Variants in KCNIP3 observed in about 807,000 individuals in gnomAD.
KCNIP3 encodes calsenilin.
Under a neutral mutation model 35.0 loss-of-function variants are expected in KCNIP3, and 28 were observed. The observed-to-expected ratio is 0.80, with a 90% confidence interval of 0.59 to 1.10. The LOEUF is 1.10. KCNIP3 is among the 50% of genes least tolerant of loss of function. The pLI, the probability that KCNIP3 is intolerant of heterozygous loss-of-function variation, is 0.00. For missense variants in KCNIP3, 295 were observed against 338.4 expected (o/e 0.87, Z 1.01); for synonymous variants, 134 against 133.8 (o/e 1.00, Z -0.01).
chr2:95,312,740 T>C (rs1195787848), intron 2 of KCNIP3: 1 of 150,946 alleles, frequency 6.6e-6, no homozygotes, highest in East Asian at 2.0e-4. Flanking sequence ...GGGGTTGGGG[T>C]GGGGGAGGCT....
In KCNIP3 at chr2:95,384,312, G is replaced by C; in HGVS notation, c.*263G>C. 2 of 531,464 alleles carry C rather than the reference G, an allele frequency of 3.8e-6. No individual in the cohort carries two copies. The highest frequency in any genetic ancestry group is 6.8e-6 in the Non-Finnish European group (2 of 296,004). The allele number at this position is 531,464 out of a possible 1,614,324, so 32.9% of individuals were successfully genotyped here. On this transcript the variant is annotated 3_prime_UTR_variant, in exon 9 of 9. Transcript: ENST00000295225. ...CCAGCCCTTCCCAGGCCAGCGAGGC[G>C]AGGCTGCCTCTGGGTGAGTGGCTGA...
At chr2:95,348,028 G>A (rs1679420564) in intron 2 of KCNIP3, among the ~76,000 whole-genome samples, 1 of 152,264 alleles carries the variant, frequency 6.6e-6, no homozygotes, top group Admixed American at 6.5e-5. Context: ...AGTGCGGGAA[G>A]GGGCAGGAAG....
intron 2 of KCNIP3, among the ~76,000 whole-genome samples, chr2:95,361,748 C>A (rs1679804186): frequency 6.6e-6 from 1 of 152,110 alleles, no homozygotes; most frequent in Non-Finnish European, 1.5e-5. Context: ...AGGATCCTAC[C>A]CAGCCTGCAT....
intron 2 of KCNIP3, among the ~76,000 whole-genome samples, chr2:95,358,978 C>A (rs549454148): frequency 1.3e-5 from 2 of 152,128 alleles, no homozygotes; most frequent in Non-Finnish European, 2.9e-5. Flanking sequence ...AAAAACCAAA[C>A]AAATTTTTTT....
In KCNIP3 at chr2:95,329,140, G is replaced by A. The variant is rs529432082; in HGVS notation, c.181+18620G>A. 2.0e-5 allele frequency among the ~76,000 whole-genome samples: 3 copies of A among 152,298 alleles called. No individual in the cohort carries two copies. In the South Asian group the frequency reaches 6.2e-4, roughly 32 times the overall value. Reference sequence around the variant, plus strand: ...AGAAATTGTCTCTTTGGGTTACTTCGAGGATTAAATAGAACACGGCGATTA... The same window carrying A: ...AGAAATTGTCTCTTTGGGTTACTTCAAGGATTAAATAGAACACGGCGATTA... On this transcript the variant is annotated intron_variant, in intron 2 of 8. Coordinates refer to ENST00000295225, the MANE Select transcript of KCNIP3 (RefSeq NM_013434.5).
chr2:95,306,044 C>T (rs1382472048), intron 1 of KCNIP3, among the ~76,000 whole-genome samples: 3 of 152,200 alleles, frequency 2.0e-5, no homozygotes, highest in Admixed American at 1.3e-4. Flanking sequence ...GTAGCGCATG[C>T]CTAGTTTTTA....
At position 95,319,966 on chromosome 2, in the gene KCNIP3, T is replaced by C. The variant is rs560790852; in HGVS notation, c.181+9446T>C. 1.1e-3 allele frequency among the ~76,000 whole-genome samples: 170 copies of C among 152,290 alleles called. 2 individuals carry two copies. Among genetic ancestry groups the C allele is most frequent in the African/African-American group, 3.8e-3 (160 of 41,572 alleles). On this transcript the variant is annotated intron_variant, in intron 2 of 8. Coordinates refer to ENST00000295225, the MANE Select transcript of KCNIP3 (RefSeq NM_013434.5). ...AGGGCAAGAGCGGCAGGTTTGCCTCTGCCCGGGGCCCCAGGTGCCTCTCCT... is the reference window on the plus strand; with the variant it reads ...AGGGCAAGAGCGGCAGGTTTGCCTCCGCCCGGGGCCCCAGGTGCCTCTCCT...
intron 2 of KCNIP3, among the ~76,000 whole-genome samples, chr2:95,332,012 C>T (rs1490794435): frequency 1.3e-5 from 2 of 152,210 alleles, no homozygotes; most frequent in African/African-American, 2.4e-5. Context: ...TGGTCATCCC[C>T]GCCCCGTTCT....
intron 1 of KCNIP3, among the ~76,000 whole-genome samples, chr2:95,304,436 T>A (rs1443533963): frequency 6.6e-6 from 1 of 152,120 alleles, no homozygotes; most frequent in East Asian, 1.9e-4. Flanking sequence ...GTAAAGAGAA[T>A]GGCAGTGGGG....
Position 95,381,624 on chromosome 2 carries a change from T to G in KCNIP3, c.476T>G (p.Leu159Arg). The G allele has an allele frequency of 6.2e-7, 1 of 1,614,116 alleles. No individual in the cohort carries two copies. The highest frequency in any genetic ancestry group is 8.5e-7 in the Non-Finnish European group (1 of 1,179,952). ...TTTGTGGTTGGCCTCTCCATCCTGC[T>G]GCGGGGCACAGTCCACGAGAAGCTC... ...EDFVVGLSILLRGTVHEKLKW... is the reference protein window; with the variant it reads ...EDFVVGLSILRRGTVHEKLKW... Residue 159 changes from leucine (L) to arginine (R), a missense_variant, in exon 6 of 9, where the codon CTG (leucine) becomes CGG (arginine). Physicochemically the swap from Leu to Arg is moderately radical, Grantham distance 102 (BLOSUM62 -2). Transcript: ENST00000295225.
intron 2 of KCNIP3, among the ~76,000 whole-genome samples, chr2:95,337,401 C>G (rs1166862369): frequency 2.6e-5 from 4 of 151,780 alleles, no homozygotes; most frequent in Non-Finnish European, 2.9e-5. Context: ...ACCTTCTTTT[C>G]CTGGATTCAA....
chr2:95,322,478 G>A (rs1445916884), intron 2 of KCNIP3, among the ~76,000 whole-genome samples: 3 of 152,182 alleles, frequency 2.0e-5, no homozygotes, highest in Admixed American at 2.0e-4. Flanking sequence ...CCCTGGACAA[G>A]TTGCTGGGTC....
At position 95,384,318 on chromosome 2, in the gene KCNIP3, G is replaced by A. The variant is rs6730587; in HGVS notation, c.*269G>A. Reference sequence around the variant, plus strand: ...CTTCCCAGGCCAGCGAGGCGAGGCTGCCTCTGGGTGAGTGGCTGACAGAGC... The same window carrying A: ...CTTCCCAGGCCAGCGAGGCGAGGCTACCTCTGGGTGAGTGGCTGACAGAGC... On this transcript the variant is annotated 3_prime_UTR_variant, in exon 9 of 9. Coordinates refer to ENST00000295225, the MANE Select transcript of KCNIP3 (RefSeq NM_013434.5). The A allele has an allele frequency of 0.033, 16,908 of 517,584 alleles. 1,448 individuals are homozygous for A. The highest frequency in any genetic ancestry group is 0.21 in the African/African-American group (10,979 of 52,266). 32.1% of individuals were successfully genotyped at this position (517,584 alleles called of 1,614,324 possible).
chr2:95,299,499 AC>A (rs1677965728), intron 1 of KCNIP3, among the ~76,000 whole-genome samples: 1 of 151,858 alleles, frequency 6.6e-6, no homozygotes, highest in Admixed American at 6.6e-5. Flanking sequence ...ATGAATTCTC[AC>A]CTCACTCCTA....
chr2:95,375,020 G>A (rs1680144801), intron 4 of KCNIP3, 103 bp downstream of exon 4: 2 of 1,507,930 alleles, frequency 1.3e-6, no homozygotes, highest in Admixed American at 3.4e-5. Flanking sequence ...CCTGTCCCGT[G>A]GGAAACAGGG....
At chr2:95,311,228 C>T (rs1196056132) in intron 2 of KCNIP3, 1 of 155,064 alleles carries the variant, frequency 6.4e-6, no homozygotes, top group African/African-American at 2.4e-5. Flanking sequence ...ACACCGGTGC[C>T]TCTACCACAC....
intron 2 of KCNIP3, among the ~76,000 whole-genome samples, chr2:95,331,875 A>T (rs1325920200): frequency 1.3e-5 from 2 of 152,198 alleles, no homozygotes; most frequent in Non-Finnish European, 2.9e-5. Context: ...AGAGGCTGTG[A>T]CATGCAGGCC....
chr2:95,336,090 T>C (rs1679053571), intron 2 of KCNIP3, among the ~76,000 whole-genome samples: 1 of 152,258 alleles, frequency 6.6e-6, no homozygotes, highest in African/African-American at 2.4e-5. Flanking sequence ...CAGTGTGAAC[T>C]TCTTTTGCAG....
Position 95,297,472 on chromosome 2 carries a change from G to T in KCNIP3, c.15+19G>T. The T allele has an allele frequency of 6.5e-7, 1 of 1,531,402 alleles. No homozygotes were observed. The highest frequency in any genetic ancestry group is 8.9e-7 in the Non-Finnish European group (1 of 1,127,230). The allele number at this position is 1,531,402 out of a possible 1,614,324, so 94.9% of individuals were successfully genotyped here. On this transcript the variant is annotated intron_variant, in intron 1 of 8. Transcript: ENST00000295225. The stretch of plus-strand genomic sequence containing the variant: ...GGCTAAGGTAGGTGCTGGGGGAATG[G>T]GGTCTTGCTCTGGAGGGGGGTCGGG...
Sources: allele counts gnomAD v4.1 joint callset (sites outside exome capture counted in the v4.1 genomes callset), GRCh38; gene constraint gnomAD v4.1.1; transcripts MANE v1.5; gene names NCBI Gene and HGNC (gene_info 2026-07-23, HGNC 2026-07-21).